Variants in SSU72L3 observed in about 807,000 individuals in gnomAD.
SSU72L3 encodes the protein SSU72 like 3, also known as RNA polymerase II subunit A C-terminal domain phosphatase SSU72 like protein 3.
At chr11:4,330,201 G>A in the SSU72L3 span, 1 of 738,182 alleles carries the variant, frequency 1.4e-6, no homozygotes, top group Non-Finnish European at 2.5e-6. Context: ...CACCTGTGAG[G>A]AGAGTGTCTA....
the SSU72L3 span, chr11:4,329,849 C>T: frequency 1.8e-5 from 12 of 684,436 alleles, no homozygotes; most frequent in Non-Finnish European, 2.4e-5. Context: ...CTCTCTGGTT[C>T]CCAGTGGCCA....
the SSU72L3 span, chr11:4,330,143 C>T: frequency 3.7e-5 from 28 of 749,536 alleles, no homozygotes; most frequent in South Asian, 1.2e-4. Context: ...GAATCAAGCC[C>T]GGTCCAGAAA....
chr11:4,330,198 G>A, the SSU72L3 span: 1,032 of 738,290 alleles, frequency 1.4e-3, no homozygotes, highest in Non-Finnish European at 2.3e-3. Flanking sequence ...CTTCACCTGT[G>A]AGGAGAGTGT....
At chr11:4,330,839 CT>C in the SSU72L3 span, among the ~76,000 whole-genome samples, 1 of 152,192 alleles carries the variant, frequency 6.6e-6, no homozygotes, top group East Asian at 1.9e-4. Context: ...AGATAAGCAC[CT>C]TTTAAATAAA....
the SSU72L3 span, chr11:4,329,812 T>G: frequency 3.2e-6 from 2 of 616,306 alleles, no homozygotes; most frequent in Non-Finnish European, 2.9e-6. Flanking sequence ...CGGCTCCGAG[T>G]CCCTGCAGCA....
the SSU72L3 span, chr11:4,330,444 T>A: frequency 4.8e-6 from 3 of 629,346 alleles, 1 homozygote; most frequent in South Asian, 5.8e-5. Context: ...CGTCTGCTTC[T>A]ACTGAACATC....
the SSU72L3 span, chr11:4,330,071 C>T: frequency 1.3e-6 from 1 of 774,734 alleles, no homozygotes; most frequent in Admixed American, 1.7e-5. Context: ...ATGACCTCCT[C>T]AGGAAAGATA....
the SSU72L3 span, chr11:4,330,360 G>T: frequency 1.3e-6 from 1 of 761,078 alleles, no homozygotes; most frequent in Non-Finnish European, 2.4e-6. Context: ...GCAGCAGTCA[G>T]ACGACATAGA....
the SSU72L3 span, chr11:4,329,850 C>A: frequency 4.4e-6 from 3 of 685,714 alleles, no homozygotes; most frequent in South Asian, 3.5e-5. Context: ...TCTCTGGTTC[C>A]CAGTGGCCAC....
the SSU72L3 span, among the ~76,000 whole-genome samples, chr11:4,330,752 T>A: frequency 7.0e-3 from 975 of 138,512 alleles, no homozygotes; most frequent in East Asian, 0.025. Context: ...ATTTTCCAGA[T>A]AAGCAAACCG....
chr11:4,330,788 T>A, the SSU72L3 span, among the ~76,000 whole-genome samples: 29 of 152,260 alleles, frequency 1.9e-4, no homozygotes, highest in Admixed American at 7.2e-4. Context: ...GCTGGAAAAA[T>A]GATTTGTTTA....
chr11:4,330,400 T>G, the SSU72L3 span: 1 of 750,710 alleles, frequency 1.3e-6, no homozygotes, highest in East Asian at 2.4e-5. Flanking sequence ...CTGTTGCAAA[T>G]GGAGGAGAAG....
the SSU72L3 span, among the ~76,000 whole-genome samples, chr11:4,330,644 G>A: frequency 8.5e-5 from 13 of 152,080 alleles, no homozygotes; most frequent in African/African-American, 1.9e-4. Context: ...ATTTTTAAAA[G>A]CACTGAAAAA....
chr11:4,330,790 A>G, the SSU72L3 span, among the ~76,000 whole-genome samples: 483 of 149,488 alleles, frequency 3.2e-3, no homozygotes, highest in African/African-American at 0.012. Context: ...TGGAAAAATG[A>G]TTTGTTTAAG....
Sources: allele counts gnomAD v4.1 joint callset (sites outside exome capture counted in the v4.1 genomes callset), GRCh38; gene constraint gnomAD v4.1.1; transcripts MANE v1.5; gene names NCBI Gene and HGNC (gene_info 2026-07-23, HGNC 2026-07-21).